Variants in NUDCD1 observed in about 807,000 individuals in gnomAD.
NUDCD1 encodes nudC domain-containing protein 1.
Under a neutral mutation model 67.8 loss-of-function variants are expected in NUDCD1, and 60 were observed. The observed-to-expected ratio is 0.88, with a 90% CI of 0.72 to 1.10. The LOEUF (loss-of-function observed/expected upper bound fraction) is 1.10. Among genes scored for constraint, NUDCD1 ranks in the 50% least tolerant of loss-of-function variants. The pLI, the probability that NUDCD1 is intolerant of heterozygous loss-of-function variation, is 0.00. For synonymous variants in NUDCD1, 244 were observed against 230.8 expected (o/e 1.06, Z -0.52); for missense variants, 643 against 695.0 (o/e 0.93, Z 0.84).
intron 8 of NUDCD1, among the ~76,000 whole-genome samples, chr8:109,251,663 A>C (rs1042935022): frequency 7.2e-5 from 11 of 152,050 alleles, no homozygotes; most frequent in African/African-American, 2.7e-4. Flanking sequence ...CTTTTTCCTC[A>C]GTCTGGCTAG....
intron 2 of NUDCD1, among the ~76,000 whole-genome samples, chr8:109,318,958 GTTTTTT>G (rs34597876): frequency 7.6e-6 from 1 of 131,466 alleles, no homozygotes; most frequent in Admixed American, 7.9e-5. Flanking sequence ...CCCATTTTAT[GTTTTTT>G]TTTTTTTTTT....
chr8:109,254,801 A>T (rs1165256605), intron 8 of NUDCD1, among the ~76,000 whole-genome samples: 3 of 152,134 alleles, frequency 2.0e-5, no homozygotes, highest in Non-Finnish European at 2.9e-5. Flanking sequence ...AATTAAATTT[A>T]AAAATAATAT....
chr8:109,266,809 A>G (rs1273451287), intron 8 of NUDCD1, among the ~76,000 whole-genome samples: 2 of 152,118 alleles, frequency 1.3e-5, no homozygotes, highest in Admixed American at 6.5e-5. Context: ...CTGATATTTA[A>G]TATTTCTTTT....
chr8:109,296,176 A>G, intron 3 of NUDCD1, among the ~76,000 whole-genome samples: 1 of 152,144 alleles, frequency 6.6e-6, no homozygotes, highest in Non-Finnish European at 1.5e-5. Context: ...AACTGCACTG[A>G]CTCCAGATCA....
chr8:109,302,914 C>G (rs747439995), intron 2 of NUDCD1, among the ~76,000 whole-genome samples: 58 of 152,152 alleles, frequency 3.8e-4, no homozygotes, highest in Admixed American at 3.3e-4. Flanking sequence ...CACAACAGGA[C>G]TTAAATGACC....
chr8:109,257,376 T>C (rs1252279443), intron 8 of NUDCD1, among the ~76,000 whole-genome samples: 1 of 152,062 alleles, frequency 6.6e-6, no homozygotes, highest in Non-Finnish European at 1.5e-5. Flanking sequence ...TATATTAGAA[T>C]TCCAAAATAC....
chr8:109,268,264 A>G (rs1216214477), intron 8 of NUDCD1, among the ~76,000 whole-genome samples: 1 of 152,148 alleles, frequency 6.6e-6, no homozygotes, highest in East Asian at 1.9e-4. Context: ...TATTTTGCTC[A>G]GTTCTATCAC....
At chr8:109,310,977 G>A (rs967919197) in intron 2 of NUDCD1, among the ~76,000 whole-genome samples, 10 of 151,834 alleles carry the variant, frequency 6.6e-5, no homozygotes, top group African/African-American at 2.2e-4. Flanking sequence ...CACCACGCCC[G>A]GCTAATTTTT....
At chr8:109,329,975 A>T (rs1815769212) in intron 1 of NUDCD1, 1 of 1,286,606 alleles carries the variant, frequency 7.8e-7, no homozygotes, top group Admixed American at 3.8e-5. Flanking sequence ...TATAGTGTAG[A>T]TTCTGACTAG....
chr8:109,263,002 C>T (rs1358339013), intron 8 of NUDCD1, among the ~76,000 whole-genome samples: 1 of 136,436 alleles, frequency 7.3e-6, no homozygotes, highest in Non-Finnish European at 1.5e-5. Flanking sequence ...TTGCAGTGAG[C>T]CGAGATCGTG....
intron 8 of NUDCD1, among the ~76,000 whole-genome samples, chr8:109,257,993 G>GA (rs1315384186): frequency 1.1e-4 from 17 of 151,924 alleles, no homozygotes; most frequent in African/African-American, 3.6e-4. Context: ...ACATATTTTT[G>GA]AAAAATAGAT....
At chr8:109,301,075 A>C (rs1229883142) in intron 2 of NUDCD1, among the ~76,000 whole-genome samples, 1 of 152,202 alleles carries the variant, frequency 6.6e-6, no homozygotes, top group Non-Finnish European at 1.5e-5. Context: ...CTACCAAGCC[A>C]CTGTCAGGTC....
At chr8:109,287,147 TA>T (rs1814593750) in intron 5 of NUDCD1, among the ~76,000 whole-genome samples, 1 of 152,046 alleles carries the variant, frequency 6.6e-6, no homozygotes, top group Non-Finnish European at 1.5e-5. Flanking sequence ...CACATGCTGA[TA>T]AGGCTGTGGA....
At chr8:109,319,275 T>C (rs1815476926) in intron 2 of NUDCD1, among the ~76,000 whole-genome samples, 1 of 152,144 alleles carries the variant, frequency 6.6e-6, no homozygotes, top group Non-Finnish European at 1.5e-5. Context: ...GCTCGGCCCA[T>C]TTTATGTTTT....
chr8:109,315,541 T>G (rs1267789626), intron 2 of NUDCD1: 1 of 152,168 alleles, frequency 6.6e-6, no homozygotes, highest in African/African-American at 2.4e-5. Context: ...AATCATTGTC[T>G]GAGCATCAGG....
Position 109,312,279 on chromosome 8 carries a change from C to A in NUDCD1, c.273+10030G>T, listed in dbSNP as rs918228509. 2.6e-5 allele frequency among the ~76,000 whole-genome samples: 3 copies of A among 115,012 alleles called. No individual in the cohort carries two copies. In the East Asian group the frequency reaches 7.9e-4, roughly 30 times the overall value. The allele number at this position is 115,012 out of a possible 152,430, so 75.5% of individuals were successfully genotyped here. Reference sequence around the variant, plus strand: ...TCGCACCACTGCACTCCAGCCCGGGCAACAGAGCGAGACACTGTCAAAAAA... The same window carrying A: ...TCGCACCACTGCACTCCAGCCCGGGAAACAGAGCGAGACACTGTCAAAAAA... On this transcript the variant is annotated intron_variant, in intron 2 of 9. Transcript: ENST00000239690.
intron 1 of NUDCD1, among the ~76,000 whole-genome samples, chr8:109,328,735 T>C (rs986044853): frequency 2.6e-5 from 4 of 151,994 alleles, no homozygotes; most frequent in Middle Eastern, 3.2e-3. Flanking sequence ...CAAGAACCAA[T>C]GGAATTAATC....
At chr8:109,275,096 C>T (rs934018430) in intron 7 of NUDCD1, among the ~76,000 whole-genome samples, 4 of 151,584 alleles carry the variant, frequency 2.6e-5, no homozygotes, top group African/African-American at 7.3e-5. Flanking sequence ...AGAGAGCGCA[C>T]AATACATACG....
Position 109,275,470 on chromosome 8 carries a change from T to C in NUDCD1, c.1055A>G (p.Asn352Ser), listed in dbSNP as rs1225441123. 1 of 1,612,000 alleles carries C rather than the reference T, an allele frequency of 6.2e-7. No homozygotes were observed. The highest frequency in any genetic ancestry group is 8.5e-7 in the Non-Finnish European group (1 of 1,179,198). Residue 352 changes from asparagine to serine, a missense_variant, in exon 7 of 10, where the codon AAT becomes AGT. Transcript: ENST00000239690. ...TAGCTCTGGCCAGGTCAGTCCTTCA[T>C]TCTTCTTAATCAAGGAAATCTCCAA... is the stretch of plus-strand genomic sequence containing the variant. The part of the protein sequence containing the change: ...NSLEISLIKK[N>S]EGLTWPELVI...
Sources: allele counts gnomAD v4.1 joint callset (sites outside exome capture counted in the v4.1 genomes callset), GRCh38; gene constraint gnomAD v4.1.1; transcripts MANE v1.5; gene names NCBI Gene and HGNC (gene_info 2026-07-23, HGNC 2026-07-21).